AEN: variants seen among roughly 807,000 people sequenced by gnomAD.
The protein encoded by AEN is apoptosis-enhancing nuclease.
In AEN, 21 loss-of-function variants were observed where a neutral mutation model predicts 17.7. That is an observed-to-expected ratio of 1.19 (90% CI 0.84 to 1.71). AEN has a LOEUF of 1.71. Among genes scored for constraint, AEN ranks in the 40% most tolerant of loss-of-function variants. The pLI is 0.00. For missense variants in AEN, 462 were observed against 435.9 expected, an observed-to-expected ratio of 1.06 and a Z score of -0.53; for synonymous variants, 190 against 173.0, an observed-to-expected ratio of 1.10 and a Z score of -0.77.
chr15:88,622,557 ATGAT>A (rs558587686), intron 1 of AEN, among the ~76,000 whole-genome samples: 34 of 152,368 alleles, frequency 2.2e-4, no homozygotes, highest in African/African-American at 7.7e-4. Flanking sequence ...AGAAAGGGCC[ATGAT>A]TGATTGAGCA....
At chr15:88,617,644 T>A (rs1414387729), upstream of AEN, among the ~76,000 whole-genome samples, 1 of 151,986 alleles carries the variant, frequency 6.6e-6, no homozygotes, top group Admixed American at 6.6e-5. Flanking sequence ...GATTAACCCC[T>A]TACCCCCTAA....
chr15:88,629,930 G>T, intron 3 of AEN, 128 bp from the exon 4 acceptor site: 1 of 837,264 alleles, frequency 1.2e-6, no homozygotes, highest in East Asian at 2.4e-5. Flanking sequence ...CCTTTTCTGT[G>T]AACCTCCATT....
Position 88,629,307 on chromosome 15 carries a change from C to T in AEN, c.622C>T (p.Arg208Trp), listed in dbSNP as rs141881614. The T allele has an allele frequency of 8.7e-6, 14 of 1,614,010 alleles. No homozygotes were observed. Among genetic ancestry groups the T allele is most frequent in the African/African-American group, 8.0e-5 (6 of 74,908 alleles). The change falls in exon 3 of 4, where the codon CGG (arginine) becomes TGG (tryptophan). Residue 208 changes from arginine to tryptophan, a missense_variant. Physicochemically the swap from Arg to Trp is moderately radical, Grantham distance 101. Coordinates refer to ENST00000332810, the MANE Select transcript of AEN (RefSeq NM_022767.4). ...CCAGGCGCTCAAGTATGTCCACCCT[C>T]GGAGCCAGACCCGGGATACGACCTA... ...DFQALKYVHP[R>W]SQTRDTTYVP...
At position 88,632,115 on chromosome 15, in the gene AEN, T is replaced by G. The variant is rs1040613779; in HGVS notation, c.*1821T>G. ...CTGGCTCCAGAACTTTGTTCTAGAT[T>G]CCTTAAAAGTCGGTAGCTGATGTCA... On this transcript the variant is annotated 3_prime_UTR_variant, in exon 4 of 4. Transcript: ENST00000332810. 6.6e-6 allele frequency: 1 copy of G among 152,204 alleles called. No individual in the cohort carries two copies. The highest frequency in any genetic ancestry group is 1.5e-5 in the Non-Finnish European group (1 of 68,024). The allele number at this position is 152,204 out of a possible 1,614,324, so 9.4% of individuals were successfully genotyped here.
At position 88,630,248 on chromosome 15, in the gene AEN, A is replaced by G; in HGVS notation, c.932A>G (p.His311Arg). 5.6e-6 allele frequency: 9 copies of G among 1,598,280 alleles called. No individual in the cohort carries two copies. Among genetic ancestry groups the G allele is most frequent in the Non-Finnish European group, 7.7e-6 (9 of 1,172,950 alleles). ...CAGTACTGGCCCGATGACCTGGCCC[A>G]CGGCAGCAGAGGAGGAGCCAGGGAG... ...EDQYWPDDLA[H>R]GSRGGAREAQ... The change falls in exon 4 of 4, where the codon CAC becomes CGC. Residue 311 changes from histidine to arginine, a missense_variant. Coordinates refer to ENST00000332810, the MANE Select transcript of AEN (RefSeq NM_022767.4). This position sits in a 1 kb window ranked among gnomAD's most constrained non-coding sequence, Gnocchi z 5.1.
the AEN span, among the ~76,000 whole-genome samples, chr15:88,610,273 C>T: frequency 6.6e-6 from 1 of 151,778 alleles, no homozygotes; most frequent in African/African-American, 2.4e-5. Flanking sequence ...AAGGACTAAC[C>T]CTCCTCTCAA....
chr15:88,629,564 T>G, intron 3 of AEN, 138 bp downstream of exon 3: 1 of 1,001,474 alleles, frequency 1.0e-6, no homozygotes, highest in Non-Finnish European at 1.4e-6. Flanking sequence ...GGACCTTGCT[T>G]AAATGGGTCT....
At chr15:88,618,253 C>T (rs904962413), upstream of AEN, among the ~76,000 whole-genome samples, 54 of 49,726 alleles carry the variant, frequency 1.1e-3, no homozygotes, top group African/African-American at 1.6e-3. Context: ...TTCTTTTTTT[C>T]TTCTTCAGCT....
Position 88,629,540 on chromosome 15 carries a change from T to C in AEN, c.741+114T>C, listed in dbSNP as rs2057900927. On this transcript the variant is annotated intron_variant, in intron 3 of 3. Coordinates refer to ENST00000332810, the MANE Select transcript of AEN (RefSeq NM_022767.4). ...CCAGCCTCCTTGTCATTCTCTTCCC[T>C]AGTCCAGGTCCAGGGACCTTGCTTA... 5 of 1,303,870 alleles carry C rather than the reference T, an allele frequency of 3.8e-6. No individual in the cohort carries two copies. In the Admixed American group the frequency reaches 1.2e-4, roughly 30 times the overall value. The allele number at this position is 1,303,870 out of a possible 1,614,324, so 80.8% of individuals were successfully genotyped here.
At chr15:88,624,981 A>G (rs1457525586) in intron 1 of AEN, among the ~76,000 whole-genome samples, 3 of 152,214 alleles carry the variant, frequency 2.0e-5, no homozygotes. Flanking sequence ...AACAAATGAG[A>G]CAGGCTTTCC....
At chr15:88,605,472 A>G in the AEN span, among the ~76,000 whole-genome samples, 2,728 of 152,282 alleles carry the variant, frequency 0.018, 85 homozygotes, top group African/African-American at 0.057. This position sits in a 1 kb window ranked among gnomAD's most constrained non-coding sequence, Gnocchi z 7.6. Context: ...TCTGAGCGCC[A>G]GGCTGGCCAG....
chr15:88,605,266 C>T, the AEN span, among the ~76,000 whole-genome samples: 1 of 152,188 alleles, frequency 6.6e-6, no homozygotes, highest in Non-Finnish European at 1.5e-5. This position sits in a 1 kb window ranked among gnomAD's most constrained non-coding sequence, Gnocchi z 7.6. Flanking sequence ...TCGCTCGGTC[C>T]CGCGCCCAGT....
intron 1 of AEN, among the ~76,000 whole-genome samples, chr15:88,622,617 T>A (rs527627910): frequency 6.7e-6 from 1 of 149,774 alleles, no homozygotes; most frequent in Admixed American, 6.6e-5. Context: ...GTAGTCAGAG[T>A]GAAACAGAAC....
chr15:88,610,341 C>G, the AEN span, among the ~76,000 whole-genome samples: 1 of 143,838 alleles, frequency 7.0e-6, no homozygotes, highest in Non-Finnish European at 1.5e-5. Flanking sequence ...AAATTAAAGA[C>G]CACACATCCA....
intron 1 of AEN, among the ~76,000 whole-genome samples, chr15:88,622,261 A>G (rs993846955): frequency 6.6e-6 from 1 of 152,182 alleles, no homozygotes; most frequent in African/African-American, 2.4e-5. Context: ...GGCTAGAGAA[A>G]GGCTTGTGTT....
intron 2 of AEN, 80 bp from the exon 3 acceptor site, chr15:88,629,146 G>A: frequency 7.1e-7 from 1 of 1,406,014 alleles, no homozygotes; most frequent in Non-Finnish European, 1.0e-6. Flanking sequence ...GCATCTATTG[G>A]CCAGGGGTTC....
chr15:88,617,194 G>T (rs2057745288), upstream of AEN, among the ~76,000 whole-genome samples: 1 of 152,134 alleles, frequency 6.6e-6, no homozygotes, highest in East Asian at 1.9e-4. Flanking sequence ...CTTCTCAAGT[G>T]ATCCTCCCAC....
At position 88,626,656 on chromosome 15, in the gene AEN, T is replaced by G. The variant is rs1387077713; in HGVS notation, c.447T>G (p.Pro149=). 2.5e-6 allele frequency: 4 copies of G among 1,613,956 alleles called. No homozygotes were observed. In the Admixed American group the frequency reaches 6.7e-5, roughly 27 times the overall value. ...GNVLYDKYIR[P]EMPIADYRTR... is the part of the protein sequence containing the mutation. ...TCCTCTATGACAAGTACATCAGGCC[T>G]GAGATGCCCATCGCTGACTACCGTA... Residue 149 remains proline (P), a synonymous_variant, in exon 2 of 4, where the codon CCT becomes CCG. Transcript: ENST00000332810.
At chr15:88,626,869 C>CTCCAAACAGTAGGT in intron 2 of AEN, 120 bp downstream of exon 2, 1 of 1,099,870 alleles carries the variant, frequency 9.1e-7, no homozygotes, top group African/African-American at 1.6e-5. Flanking sequence ...CACCTAACTG[C>CTCCAAACAGTAGGT]TCCAAACAGT....
Sources: gnomAD v4.1 joint callset for allele counts (sites outside exome capture counted in the v4.1 genomes callset) on GRCh38, gnomAD v4.1.1 for gene constraint, Gnocchi (gnomAD v3.1) non-coding constraint, MANE v1.5 for transcripts, NCBI Gene and HGNC (gene_info 2026-07-23, HGNC 2026-07-21) for gene names.